PIK3CB: variants seen among roughly 807,000 people sequenced by gnomAD.
PIK3CB encodes phosphatidylinositol 4,5-bisphosphate 3-kinase catalytic subunit beta isoform.
Under a neutral mutation model 136.8 loss-of-function variants are expected in PIK3CB, and 39 were observed. The observed-to-expected ratio is 0.29, with a 90% CI of 0.22 to 0.37. The LOEUF is 0.37. PIK3CB is among the 10% of genes least tolerant of loss of function. PIK3CB has a pLI of 1.00. For synonymous variants in PIK3CB, 428 were observed against 436.6 expected (o/e 0.98, Z 0.25); for missense variants, 868 against 1,275.4 (o/e 0.68, Z 4.87).
chr3:138,737,126 T>C (rs990055665), intron 6 of PIK3CB, among the ~76,000 whole-genome samples: 1 of 152,118 alleles, frequency 6.6e-6, no homozygotes, highest in African/African-American at 2.4e-5. Context: ...CAGTGGCTTA[T>C]GGCTGTAATC....
intron 8 of PIK3CB, among the ~76,000 whole-genome samples, chr3:138,723,504 C>T (rs1433066522): frequency 1.3e-5 from 2 of 152,072 alleles, no homozygotes; most frequent in African/African-American, 4.8e-5. Flanking sequence ...TGAGCCAAGA[C>T]GTGTCACTGC....
chr3:138,783,162 T>C (rs2045939514), intron 2 of PIK3CB, among the ~76,000 whole-genome samples: 1 of 152,236 alleles, frequency 6.6e-6, no homozygotes, highest in South Asian at 2.1e-4. Flanking sequence ...CTGGCAGAAA[T>C]GAACATATCG....
intron 1 of PIK3CB, among the ~76,000 whole-genome samples, chr3:138,804,980 G>A (rs1051079954): frequency 1.3e-4 from 20 of 151,606 alleles, no homozygotes; most frequent in Non-Finnish European, 2.8e-4. Context: ...AGCTGAGATC[G>A]TGCCACTGCA....
chr3:138,726,518 C>T (rs539683613), intron 8 of PIK3CB, among the ~76,000 whole-genome samples: 26 of 152,110 alleles, frequency 1.7e-4, no homozygotes, highest in Non-Finnish European at 3.4e-4. Flanking sequence ...CTGCTACCAC[C>T]GTTGCTATTG....
At chr3:138,715,592 C>T (rs1242516380) in intron 8 of PIK3CB, among the ~76,000 whole-genome samples, 1 of 152,022 alleles carries the variant, frequency 6.6e-6, no homozygotes, top group East Asian at 1.9e-4. Context: ...GCTTTTCTAG[C>T]TAGTTAAGAG....
intron 2 of PIK3CB, among the ~76,000 whole-genome samples, chr3:138,795,999 G>T (rs1315952466): frequency 6.6e-6 from 1 of 152,014 alleles, no homozygotes; most frequent in Non-Finnish European, 1.5e-5. Context: ...AACTCTGTAG[G>T]AAACATAATC....
intron 1 of PIK3CB, among the ~76,000 whole-genome samples, chr3:138,829,337 C>T (rs1286822725): frequency 6.6e-6 from 1 of 152,006 alleles, no homozygotes; most frequent in Non-Finnish European, 1.5e-5. Flanking sequence ...AATGAGAATC[C>T]ACTGGAACAG....
chr3:138,684,856 TA>T, intron 16 of PIK3CB, 53 bp from the exon 17 acceptor site: 1 of 1,308,760 alleles, frequency 7.6e-7, no homozygotes, highest in Non-Finnish European at 1.1e-6. Context: ...AGTAATATAA[TA>T]TCATGTGATC....
At chr3:138,668,398 C>G (rs942100687) in intron 19 of PIK3CB, among the ~76,000 whole-genome samples, 2 of 152,124 alleles carry the variant, frequency 1.3e-5, no homozygotes, top group Non-Finnish European at 2.9e-5. Flanking sequence ...AAAAAACATC[C>G]TTCTCAGAGA....
intron 16 of PIK3CB, among the ~76,000 whole-genome samples, chr3:138,686,465 TAAC>T (rs1469901815): frequency 3.3e-5 from 5 of 151,828 alleles, no homozygotes; most frequent in Non-Finnish European, 7.4e-5. Flanking sequence ...AAATAAATAA[TAAC>T]AACAAATAAA....
At position 138,811,385 on chromosome 3, in the gene PIK3CB, A is replaced by G. The variant is rs902953321; in HGVS notation, c.-121-14818T>C. 1.5e-4 allele frequency among the ~76,000 whole-genome samples: 23 copies of G among 151,938 alleles called. 1 individual carries two copies. Among genetic ancestry groups the G allele is most frequent in the Admixed American group, 1.5e-3 (23 of 15,238 alleles). ...ATATTAGGTAACAATACCAATGTTAAGTTTTCTAAATGTGGTAACTATACT... is the reference window on the plus strand; with the variant it reads ...ATATTAGGTAACAATACCAATGTTAGGTTTTCTAAATGTGGTAACTATACT... On this transcript the variant is annotated intron_variant, in intron 1 of 23. Coordinates refer to ENST00000674063, the MANE Select transcript of PIK3CB (RefSeq NM_006219.3).
chr3:138,700,030 C>T (rs1159480148), intron 12 of PIK3CB, among the ~76,000 whole-genome samples: 2 of 151,914 alleles, frequency 1.3e-5, no homozygotes, highest in African/African-American at 4.8e-5. Context: ...AGTGAGACCC[C>T]TAATTCTACT....
At chr3:138,717,022 G>A (rs557570859) in intron 8 of PIK3CB, among the ~76,000 whole-genome samples, 2 of 151,428 alleles carry the variant, frequency 1.3e-5, no homozygotes, top group South Asian at 2.1e-4. Context: ...TTGGGAGGCC[G>A]AGGCAGGCGG....
rs1050631223 is a variant in PIK3CB, at chr3:138,808,423, GA to G, written c.-121-11857del. 2.6e-4 allele frequency among the ~76,000 whole-genome samples: 39 copies of G among 152,144 alleles called. 1 individual carries two copies. The highest frequency in any genetic ancestry group is 8.2e-4 in the African/African-American group (34 of 41,524). ...AGGCAGGAAGATCATTTGAGCCCAG[GA>G]GTTCAAGACCAGCCTGGGCAACAAG... is the stretch of plus-strand genomic sequence containing the variant. On this transcript the variant is annotated intron_variant, in intron 1 of 23. Transcript: ENST00000674063.
intron 21 of PIK3CB, among the ~76,000 whole-genome samples, chr3:138,662,309 T>G (rs1577041757): frequency 1.5e-5 from 2 of 133,610 alleles, no homozygotes; most frequent in South Asian, 2.5e-4. Context: ...CCCCTTCCTG[T>G]GTCCATGTGT....
At chr3:138,826,156 T>C (rs1231463293) in intron 1 of PIK3CB, 36 of 1,052,224 alleles carry the variant, frequency 3.4e-5, no homozygotes, top group Non-Finnish European at 5.2e-5. Context: ...GTTGATATGG[T>C]TCCTGACAAG....
chr3:138,757,764 G>C (rs1415236335), intron 3 of PIK3CB, among the ~76,000 whole-genome samples: 1 of 151,980 alleles, frequency 6.6e-6, no homozygotes, highest in African/African-American at 2.4e-5. Context: ...AATAGCATGT[G>C]TTGGCCAGTA....
At chr3:138,702,648 G>C (rs1372355877) in intron 12 of PIK3CB, among the ~76,000 whole-genome samples, 6 of 152,158 alleles carry the variant, frequency 3.9e-5, no homozygotes, top group African/African-American at 9.7e-5. Context: ...ATCTGTTTCA[G>C]TAATTGCCTA....
At chr3:138,772,709 A>G (rs2045814270) in intron 2 of PIK3CB, among the ~76,000 whole-genome samples, 1 of 150,946 alleles carries the variant, frequency 6.6e-6, no homozygotes, top group Admixed American at 6.6e-5. Flanking sequence ...CCTGAGCTCA[A>G]GCAATCCTCC....
Sources: allele counts gnomAD v4.1 joint callset (sites outside exome capture counted in the v4.1 genomes callset), GRCh38; gene constraint gnomAD v4.1.1; transcripts MANE v1.5; gene names NCBI Gene and HGNC (gene_info 2026-07-23, HGNC 2026-07-21).